NPIPB2: variants seen among roughly 807,000 people sequenced by gnomAD.
NPIPB2 encodes nuclear pore complex-interacting protein family member B2.
NPIPB2 carries 27 observed loss-of-function variants against 30.8 expected under a neutral mutation model. The observed-to-expected ratio is 0.88, with a 90% CI of 0.65 to 1.21. The LOEUF (loss-of-function observed/expected upper bound fraction) is 1.21, where lower values mean the gene tolerates loss of function less well. Ranked by LOEUF, NPIPB2 falls within the 50% of genes most tolerant of loss-of-function variation. The pLI is 0.00. For missense variants in NPIPB2, 440 were observed against 446.2 expected, an observed-to-expected ratio of 0.99 and a Z score of 0.13; for synonymous variants, 147 against 162.0, an observed-to-expected ratio of 0.91 and a Z score of 0.70.
At chr16:11,970,362 G>A (rs2055228475) in intron 1 of NPIPB2, among the ~76,000 whole-genome samples, 1 of 151,846 alleles carries the variant, frequency 6.6e-6, no homozygotes, top group Non-Finnish European at 1.5e-5. Context: ...ACAGTCGCAT[G>A]CCACCATGCT....
chr16:11,961,829 C>A (rs1159696067), intron 1 of NPIPB2, among the ~76,000 whole-genome samples: 1 of 151,206 alleles, frequency 6.6e-6, no homozygotes, highest in Non-Finnish European at 1.5e-5. Flanking sequence ...GCTCTATCTG[C>A]CTCCTGGGTG....
intron 1 of NPIPB2, chr16:11,967,517 T>C: frequency 1.3e-6 from 2 of 1,566,502 alleles, no homozygotes; most frequent in Non-Finnish European, 1.7e-6. Flanking sequence ...AAGACTCTCA[T>C]GACCACATTC....
At chr16:11,962,025 T>A (rs1380514587) in intron 1 of NPIPB2, among the ~76,000 whole-genome samples, 1 of 150,908 alleles carries the variant, frequency 6.6e-6, no homozygotes, top group African/African-American at 2.4e-5. Flanking sequence ...CATGATGAAA[T>A]CTCATCTCTA....
chr16:11,933,741 G>A (rs1353417666), intron 3 of NPIPB2, 29 bp from the exon 4 acceptor site: 8 of 1,596,476 alleles, frequency 5.0e-6, no homozygotes, highest in East Asian at 2.2e-5. Flanking sequence ...AGGAGAAGGT[G>A]AGAAACCTGA....
At chr16:11,948,766 CAAAAAAAAAA>C (rs34639444) in intron 1 of NPIPB2, among the ~76,000 whole-genome samples, 6,013 of 67,256 alleles carry the variant, frequency 0.089, 520 homozygotes, top group African/African-American at 0.24. Context: ...GACTCCGTCT[CAAAAAAAAAA>C]AAAAAAAAAA....
chr16:11,970,283 G>A (rs962438128), intron 1 of NPIPB2, among the ~76,000 whole-genome samples: 1 of 152,130 alleles, frequency 6.6e-6, no homozygotes, highest in African/African-American at 2.4e-5. Context: ...TGCTATCTGA[G>A]CTCACTACAA....
At chr16:11,944,733 CAAAAAAAAAAAAA>C (rs56283093), upstream of NPIPB2, among the ~76,000 whole-genome samples, 1 of 46,128 alleles carries the variant, frequency 2.2e-5, no homozygotes, top group Admixed American at 3.8e-4. Flanking sequence ...GACTCCGTGT[CAAAAAAAAAAAAA>C]AAAAAAAAAA....
intron 1 of NPIPB2, among the ~76,000 whole-genome samples, chr16:11,951,718 T>C (rs921604062): frequency 2.6e-5 from 4 of 151,318 alleles, no homozygotes; most frequent in Non-Finnish European, 4.4e-5. Flanking sequence ...AAAGGTTTTT[T>C]ATGGTATTGA....
chr16:11,931,816 A>C (rs1283326882), intron 4 of NPIPB2, among the ~76,000 whole-genome samples: 4 of 151,904 alleles, frequency 2.6e-5, no homozygotes, highest in African/African-American at 4.8e-5. Flanking sequence ...TCAAATTGCT[A>C]ACATGGCAGT....
intron 1 of NPIPB2, among the ~76,000 whole-genome samples, chr16:11,973,411 G>C (rs58398910): frequency 6.6e-6 from 1 of 151,930 alleles, no homozygotes; most frequent in Admixed American, 6.6e-5. Context: ...GGGCCAAGGG[G>C]AAAACTTCCT....
At position 11,948,691 on chromosome 16, in the gene NPIPB2, C is replaced by G. The variant is rs1213520193; in HGVS notation, c.-583-6577G>C. Among the ~76,000 whole-genome samples the G allele has an allele frequency of 1.6e-5, 2 of 127,684 alleles. 1 individual carries two copies. The highest frequency in any genetic ancestry group is 5.7e-4 in the South Asian group (2 of 3,516). The allele number at this position is 127,684 out of a possible 152,430, so 83.8% of individuals were successfully genotyped here. On this transcript the variant is annotated intron_variant, in intron 1 of 5. Transcript: ENST00000538896. ...CTGAGGCAGGAGAATGGCGTGAACC[C>G]GGGAGGCAGAGCTTGCAGTGAGCCG...
At chr16:11,944,790 C>T (rs1596497159), upstream of NPIPB2, among the ~76,000 whole-genome samples, 1 of 91,376 alleles carries the variant, frequency 1.1e-5, no homozygotes, top group South Asian at 3.5e-4. Context: ...AAAACATATA[C>T]AAAAGAAATA....
chr16:11,943,614 A>G (rs1427703442), upstream of NPIPB2, among the ~76,000 whole-genome samples: 1 of 151,858 alleles, frequency 6.6e-6, no homozygotes, highest in African/African-American at 2.4e-5. Flanking sequence ...AGGCAGGACA[A>G]TCCCTTGAAC....
At chr16:11,971,054 G>A (rs142611730) in intron 1 of NPIPB2, among the ~76,000 whole-genome samples, 255 of 148,914 alleles carry the variant, frequency 1.7e-3, no homozygotes, top group African/African-American at 6.0e-3. Flanking sequence ...ATGGAGTTTC[G>A]CCATGTTGCC....
At chr16:11,975,955 T>C (rs1325254825) in intron 1 of NPIPB2, among the ~76,000 whole-genome samples, 1 of 151,744 alleles carries the variant, frequency 6.6e-6, no homozygotes, top group Non-Finnish European at 1.5e-5. Flanking sequence ...GTCCTTTTTT[T>C]CTTTGGTAGA....
intron 1 of NPIPB2, among the ~76,000 whole-genome samples, chr16:11,976,350 G>A (rs34959638): frequency 0.27 from 40,670 of 152,198 alleles, 6,625 homozygotes; most frequent in East Asian, 0.53. Flanking sequence ...CATCATCCAG[G>A]TCTGGGCTCA....
chr16:11,937,216 C>T (rs2054879193), intron 2 of NPIPB2, among the ~76,000 whole-genome samples: 1 of 152,154 alleles, frequency 6.6e-6, no homozygotes, highest in African/African-American at 2.4e-5. Flanking sequence ...TACGATAGAA[C>T]TATAAAGCAG....
chr16:11,930,414 T>C, intron 5 of NPIPB2, 36 bp downstream of exon 5: 1 of 1,524,342 alleles, frequency 6.6e-7, no homozygotes, highest in Non-Finnish European at 8.8e-7. Context: ...CCAATGGGCG[T>C]TTCCCAAGAG....
intron 4 of NPIPB2, among the ~76,000 whole-genome samples, chr16:11,932,965 A>T (rs2054810945): frequency 7.5e-6 from 1 of 134,218 alleles, no homozygotes; most frequent in Non-Finnish European, 1.6e-5. Context: ...CTCAAAATTA[A>T]AAAAAAAAAA....
Sources: allele counts gnomAD v4.1 joint callset (sites outside exome capture counted in the v4.1 genomes callset), GRCh38; gene constraint gnomAD v4.1.1; transcripts MANE v1.5; gene names NCBI Gene and HGNC (gene_info 2026-07-23, HGNC 2026-07-21).